Variants in EFTUD2 observed in about 807,000 individuals in gnomAD.
EFTUD2 encodes the protein elongation factor Tu GTP binding domain containing 2.
EFTUD2 carries 9 observed loss-of-function variants against 114.3 expected under a neutral mutation model. The observed-to-expected ratio is 0.08, with a 90% CI of 0.05 to 0.14. The LOEUF (loss-of-function observed/expected upper bound fraction) is 0.14. Among genes scored for constraint, EFTUD2 ranks in the 10% least tolerant of loss-of-function variants. EFTUD2 has a pLI of 1.00. For missense variants in EFTUD2, 765 were observed against 1,241.2 expected, an observed-to-expected ratio of 0.62 and a Z score of 5.76; for synonymous variants, 449 against 462.3, an observed-to-expected ratio of 0.97 and a Z score of 0.37.
intron 12 of EFTUD2, 61 bp from the exon 13 acceptor site, chr17:44,867,958 A>G: frequency 6.8e-7 from 1 of 1,461,496 alleles, no homozygotes; most frequent in Non-Finnish European, 9.2e-7. Flanking sequence ...TGATCCCAAG[A>G]GGCATTGTCT....
intron 2 of EFTUD2, among the ~76,000 whole-genome samples, chr17:44,887,710 G>T (rs1224775420): frequency 6.6e-6 from 1 of 152,146 alleles, no homozygotes; most frequent in Non-Finnish European, 1.5e-5. Flanking sequence ...TAAGGGGTGT[G>T]GAGTTTTTTT....
Position 44,872,574 on chromosome 17 carries a change from A to C in EFTUD2, c.870-4T>G. ...GTTCTCATCAGTGGAATACATGCTG[A>C]AACAGAGACAGTGGTGAACACAGTG... On this transcript the variant is annotated splice_region_variant and splice_polypyrimidine_tract_variant and intron_variant, in intron 10 of 27. Coordinates refer to ENST00000426333, the MANE Select transcript of EFTUD2 (RefSeq NM_004247.4). 1.9e-6 allele frequency: 3 copies of C among 1,605,824 alleles called. No individual in the cohort carries two copies. Among genetic ancestry groups the C allele is most frequent in the Non-Finnish European group, 2.6e-6 (3 of 1,175,384 alleles).
intron 13 of EFTUD2, chr17:44,865,329 C>T (rs2050725835): frequency 5.3e-6 from 2 of 374,426 alleles, no homozygotes; most frequent in African/African-American, 4.2e-5. Flanking sequence ...CCAGTGCTGC[C>T]CCCTGGTGTC....
chr17:44,852,984 C>T (rs2050482160), intron 25 of EFTUD2, among the ~76,000 whole-genome samples: 1 of 151,644 alleles, frequency 6.6e-6, no homozygotes, highest in South Asian at 2.1e-4. Flanking sequence ...GGGTTCACGC[C>T]ATTCTCCTGA....
chr17:44,876,793 C>A (rs1023375997), intron 9 of EFTUD2, among the ~76,000 whole-genome samples: 3 of 133,088 alleles, frequency 2.3e-5, no homozygotes, highest in Non-Finnish European at 4.6e-5. Context: ...GCAGAGCTTG[C>A]AGTGAGCCAA....
intron 18 of EFTUD2, chr17:44,859,692 C>T (rs2145457848): frequency 1.4e-6 from 1 of 710,382 alleles, no homozygotes; most frequent in Non-Finnish European, 2.3e-6. Context: ...TCACTGCCCC[C>T]TCCTACACAG....
intron 17 of EFTUD2, 51 bp downstream of exon 17, chr17:44,860,381 C>A (rs9903106): frequency 2.3e-6 from 3 of 1,282,444 alleles, no homozygotes; most frequent in Non-Finnish European, 3.4e-6. Context: ...ATGTGTGTCC[C>A]TGGGACCATC....
chr17:44,855,652 T>A (rs2050536958), intron 20 of EFTUD2, among the ~76,000 whole-genome samples: 1 of 151,478 alleles, frequency 6.6e-6, no homozygotes, highest in Admixed American at 6.6e-5. Context: ...AGACCCCATC[T>A]CTATAAAAAA....
Position 44,863,646 on chromosome 17 carries a change from T to A in EFTUD2, c.1413+9A>T. 1 of 1,610,772 alleles carries A rather than the reference T, an allele frequency of 6.2e-7. No homozygotes were observed. Among genetic ancestry groups the A allele is most frequent in the African/African-American group, 1.3e-5 (1 of 74,926 alleles). ...AAGACCAGAGAACCGGGGAGCCACA[T>A]GCCCTTACATCAGGGTCACAGTCAC... On this transcript the variant is annotated intron_variant, in intron 15 of 27. Transcript: ENST00000426333.
At chr17:44,865,214 T>G in intron 13 of EFTUD2, 149 bp from the exon 14 acceptor site, 8 of 1,209,974 alleles carry the variant, frequency 6.6e-6, no homozygotes. Context: ...GACAAAAGTT[T>G]GGTTTCAGCG....
At chr17:44,859,690 C>T in intron 18 of EFTUD2, 1 of 682,270 alleles carries the variant, frequency 1.5e-6, no homozygotes, top group Non-Finnish European at 2.5e-6. Flanking sequence ...CATCACTGCC[C>T]CCTCCTACAC....
chr17:44,853,598 C>G lies in EFTUD2; in HGVS notation c.2385G>C (p.Val795=), dbSNP rs1429038164. The G allele has an allele frequency of 6.2e-7, 1 of 1,614,064 alleles. No individual in the cohort carries two copies. Among genetic ancestry groups the G allele is most frequent in the East Asian group, 2.2e-5 (1 of 44,884 alleles). ...CCCGGTGCAGGGGCTCCTGGGCAACCACCGCATCCAGGATCTTAAACTTGA... is the reference window on the plus strand; with the variant it reads ...CCCGGTGCAGGGGCTCCTGGGCAACGACCGCATCCAGGATCTTAAACTTGA... ...RNVKFKILDA[V]VAQEPLHRGG... is the part of the protein sequence containing the mutation. The change falls in exon 24 of 28, where the codon GTG becomes GTC. Residue 795 remains valine, a synonymous_variant. Coordinates refer to ENST00000426333, the MANE Select transcript of EFTUD2 (RefSeq NM_004247.4).
intron 3 of EFTUD2, among the ~76,000 whole-genome samples, chr17:44,885,947 GAC>G (rs1567751993): frequency 6.6e-6 from 1 of 151,846 alleles, no homozygotes; most frequent in African/African-American, 2.4e-5. Context: ...CTATTAAATG[GAC>G]AATAAGGCTG....
intron 16 of EFTUD2, among the ~76,000 whole-genome samples, chr17:44,861,692 G>A (rs1250808421): frequency 2.0e-5 from 3 of 151,872 alleles, no homozygotes; most frequent in African/African-American, 7.3e-5. Context: ...GAGATCACAG[G>A]CACTGCACTC....
In EFTUD2 at chr17:44,850,911, G is replaced by A; in HGVS notation, c.*363C>T. 1 of 287,662 alleles carries A rather than the reference G, an allele frequency of 3.5e-6. No individual in the cohort carries two copies. Among genetic ancestry groups the A allele is most frequent in the East Asian group, 7.5e-5 (1 of 13,368 alleles). 17.8% of individuals were successfully genotyped at this position (287,662 alleles called of 1,614,324 possible). On this transcript the variant is annotated 3_prime_UTR_variant, in exon 28 of 28. Transcript: ENST00000426333. Reference sequence around the variant, plus strand: ...AGGATGAAAGGAGCAGAGCAAGACAGAGGTCAGAATGTTCTGTTCACTTGC... The same window carrying A: ...AGGATGAAAGGAGCAGAGCAAGACAAAGGTCAGAATGTTCTGTTCACTTGC...
intron 5 of EFTUD2, 144 bp from the exon 6 acceptor site, chr17:44,883,302 A>C: frequency 1.5e-6 from 1 of 669,710 alleles, no homozygotes; most frequent in Non-Finnish European, 2.6e-6. Flanking sequence ...CAAATAATTA[A>C]CACTGAAGCC....
In EFTUD2 at chr17:44,867,799, A is replaced by C. The variant is rs2050776917; in HGVS notation, c.1149+8T>G. 6.3e-7 allele frequency: 1 copy of C among 1,575,450 alleles called. No individual in the cohort carries two copies. The highest frequency in any genetic ancestry group is 8.6e-7 in the Non-Finnish European group (1 of 1,159,604). Reference sequence around the variant, plus strand: ...GCAGATCTGCCCAGTGTGACCTGACACACTCACCTGGGCGAGGATCTTATA... The same window carrying C: ...GCAGATCTGCCCAGTGTGACCTGACCCACTCACCTGGGCGAGGATCTTATA... On this transcript the variant is annotated splice_region_variant and intron_variant, in intron 13 of 27. Coordinates refer to ENST00000426333, the MANE Select transcript of EFTUD2 (RefSeq NM_004247.4).
At chr17:44,898,157 A>G (rs958858766) in intron 1 of EFTUD2, among the ~76,000 whole-genome samples, 4 of 152,172 alleles carry the variant, frequency 2.6e-5, no homozygotes, top group Non-Finnish European at 5.9e-5. Flanking sequence ...CTACTATCGC[A>G]TTTATGCTTA....
rs771946691 is a variant in EFTUD2 at position 44,872,462 on chromosome 17, G to C, written c.978C>G (p.Ile326Met). The change falls in exon 11 of 28, where the codon ATC becomes ATG. Residue 326 changes from isoleucine to methionine, a missense_variant. Coordinates refer to ENST00000426333, the MANE Select transcript of EFTUD2 (RefSeq NM_004247.4). Reference protein sequence around the residue: ...ICFTLGSFAKIYADTFGDINY... With the variant: ...ICFTLGSFAKMYADTFGDINY... Reference sequence around the variant, plus strand: ...AGCGCTTACCAAAGGTGTCGGCATAGATCTTGGCAAAGGAGCCCAGCGTGA... The same window carrying C: ...AGCGCTTACCAAAGGTGTCGGCATACATCTTGGCAAAGGAGCCCAGCGTGA... The C allele has an allele frequency of 2.5e-6, 4 of 1,613,156 alleles. No individual in the cohort carries two copies. In the East Asian group the frequency reaches 6.7e-5, roughly 27 times the overall value.
Sources: allele counts gnomAD v4.1 joint callset (sites outside exome capture counted in the v4.1 genomes callset), GRCh38; gene constraint gnomAD v4.1.1; transcripts MANE v1.5; gene names NCBI Gene and HGNC (gene_info 2026-07-23, HGNC 2026-07-21).